The following MID2 variants were observed in gnomAD, a reference collection of about 807,000 sequenced individuals.
MID2 encodes midline 2, also known as probable E3 ubiquitin-protein ligase MID2.
Under a neutral mutation model 46.1 loss-of-function variants are expected in MID2, and 13 were observed. That is an observed-to-expected ratio of 0.28 (90% CI 0.18 to 0.45). MID2 has a LOEUF of 0.45. Among genes scored for constraint, MID2 ranks in the 20% least tolerant of loss-of-function variants. The pLI, the probability that MID2 is intolerant of heterozygous loss-of-function variation, is 1.00. For missense variants in MID2, 431 were observed against 575.4 expected, an observed-to-expected ratio of 0.75 and a Z score of 2.57; for synonymous variants, 199 against 212.3, an observed-to-expected ratio of 0.94 and a Z score of 0.55.
intron 3 of MID2, among the ~76,000 whole-genome samples, chrX:107,871,016 T>C (rs1320623095): frequency 9.0e-6 from 1 of 111,186 alleles, no homozygotes; most frequent in Admixed American, 9.6e-5. Context: ...TTTCATTTTT[T>C]TGTCCTTTTC....
At chrX:107,886,366 T>A (rs1932453486) in intron 3 of MID2, among the ~76,000 whole-genome samples, 2 of 112,058 alleles carry the variant, frequency 1.8e-5, no homozygotes, top group Non-Finnish European at 3.8e-5. Flanking sequence ...CCAGCACCAT[T>A]TATTAAATAG....
chrX:107,926,082 C>A lies in MID2; in HGVS notation c.1598-12C>A. 2.7e-6 allele frequency: 3 copies of A among 1,103,520 alleles called. No homozygotes were observed. Among genetic ancestry groups the A allele is most frequent in the Non-Finnish European group, 3.7e-6 (3 of 820,675 alleles). 90.9% of individuals were successfully genotyped at this position (1,103,520 alleles called of 1,213,427 possible). Reference sequence around the variant, plus strand: ...GTGCTTTTTCTTTTTTTTTTTTCTACTTATTTTTCAGGCCAACCCTTTAAA... The same window carrying A: ...GTGCTTTTTCTTTTTTTTTTTTCTAATTATTTTTCAGGCCAACCCTTTAAA... On this transcript the variant is annotated splice_polypyrimidine_tract_variant and intron_variant, in intron 8 of 9. Coordinates refer to ENST00000262843, the MANE Select transcript of MID2 (RefSeq NM_012216.4).
Position 107,841,337 on chromosome X carries a change from C to T in MID2, c.672C>T (p.His224=). 2 of 1,208,477 alleles carry T rather than the reference C, an allele frequency of 1.7e-6. No individual in the cohort carries two copies. The highest frequency in any genetic ancestry group is 2.2e-6 in the Non-Finnish European group (2 of 893,584). ...ICALCKLVGR[H]RDHQVASLND... ...CCTTATGCAAACTGGTGGGTCGTCA[C>T]CGAGACCATCAGGTCGCATCCCTGA... Residue 224 remains histidine (H), a synonymous_variant, in exon 2 of 10, where the codon CAC becomes CAT. Transcript: ENST00000262843.
chrX:107,922,843 G>A (rs912193854), intron 7 of MID2, among the ~76,000 whole-genome samples: 4 of 111,337 alleles, frequency 3.6e-5, no homozygotes, highest in African/African-American at 1.3e-4. Flanking sequence ...GTACTTCATT[G>A]TGAAGTTTGT....
rs916737061 is a variant in MID2 at position 107,930,841 on chromosome X, G to T, written c.*3768G>T. Among the ~76,000 whole-genome samples the T allele has an allele frequency of 1.8e-5, 2 of 112,367 alleles. No individual in the cohort carries two copies. The highest frequency in any genetic ancestry group is 6.5e-5 in the African/African-American group (2 of 30,982). ...CTGTTCTCCACAACTGTTTCTACCA[G>T]AAGATTATTTTATGTCTGCAATTTA... On this transcript the variant is annotated 3_prime_UTR_variant, in exon 10 of 10. Transcript: ENST00000262843.
chrX:107,839,539 T>G (rs924674472), intron 1 of MID2, among the ~76,000 whole-genome samples: 2 of 110,547 alleles, frequency 1.8e-5, no homozygotes, highest in African/African-American at 6.6e-5. Flanking sequence ...GCCCAGCTAA[T>G]TTTTGCATTT....
intron 9 of MID2, 60 bp from the exon 10 acceptor site, chrX:107,926,611 C>A: frequency 9.4e-7 from 1 of 1,067,817 alleles, no homozygotes; most frequent in East Asian, 3.0e-5. Flanking sequence ...TATATGGTGT[C>A]TTACACAACT....
At chrX:107,893,745 A>C (rs953022520) in intron 3 of MID2, among the ~76,000 whole-genome samples, 1 of 112,076 alleles carries the variant, frequency 8.9e-6, no homozygotes, top group African/African-American at 3.2e-5. Context: ...CGTACACTGA[A>C]CCTCATTTTA....
At chrX:107,875,836 C>A (rs1283172511) in intron 3 of MID2, among the ~76,000 whole-genome samples, 1 of 111,881 alleles carries the variant, frequency 8.9e-6, no homozygotes, top group Non-Finnish European at 1.9e-5. Context: ...AGCTGAGAGA[C>A]CAACCCCAGT....
At chrX:107,864,515 A>G (rs1357219547) in intron 3 of MID2, among the ~76,000 whole-genome samples, 2 of 111,478 alleles carry the variant, frequency 1.8e-5, no homozygotes, top group African/African-American at 6.5e-5. Context: ...GCTGGGACCC[A>G]TATTTTCTTG....
intron 3 of MID2, among the ~76,000 whole-genome samples, chrX:107,886,024 C>T (rs1206375829): frequency 9.0e-6 from 1 of 111,449 alleles, no homozygotes; most frequent in African/African-American, 3.3e-5. Flanking sequence ...GGATATTAGC[C>T]CTTTGTTAGA....
At chrX:107,887,779 TTAA>T (rs1334833508) in intron 3 of MID2, among the ~76,000 whole-genome samples, 1 of 112,213 alleles carries the variant, frequency 8.9e-6, no homozygotes, top group African/African-American at 3.2e-5. Flanking sequence ...TTGTAAGCTA[TTAA>T]TTATTGCCTC....
At chrX:107,868,003 A>G (rs28444788) in intron 3 of MID2, among the ~76,000 whole-genome samples, 13,851 of 111,424 alleles carry the variant, frequency 0.12, 2,143 homozygotes, top group African/African-American at 0.43. Context: ...AGGCAAATGG[A>G]GATCTTTTTG....
Position 107,826,282 on chromosome X carries a change from G to GGGCGGCGGCCTACAGTGGTAGC in MID2, c.-135_-114dup. 1 of 590,280 alleles carries GGGCGGCGGCCTACAGTGGTAGC rather than the reference G, an allele frequency of 1.7e-6. No individual in the cohort carries two copies. Among genetic ancestry groups the GGGCGGCGGCCTACAGTGGTAGC allele is most frequent in the East Asian group, 5.1e-5 (1 of 19,719 alleles). The allele number at this position is 590,280 out of a possible 1,213,427, so 48.6% of individuals were successfully genotyped here. On this transcript the variant is annotated 5_prime_UTR_variant, in exon 1 of 10. Coordinates refer to ENST00000262843, the MANE Select transcript of MID2 (RefSeq NM_012216.4). ...CGGTAGCGGCAGCGGCGGCGAAGGC[G>GGGCGGCGGCCTACAGTGGTAGC]GGCGGCGGCCTACAGTGGTAGCGGC...
intron 7 of MID2, among the ~76,000 whole-genome samples, chrX:107,922,273 G>T (rs1430525280): frequency 2.7e-5 from 3 of 111,154 alleles, no homozygotes; most frequent in Non-Finnish European, 5.7e-5. Flanking sequence ...ATCTAAAATA[G>T]TTTCTGAATT....
chrX:107,882,937 A>G (rs1257001717), intron 3 of MID2, among the ~76,000 whole-genome samples: 2 of 112,122 alleles, frequency 1.8e-5, no homozygotes, highest in African/African-American at 3.2e-5. Flanking sequence ...AATAATAAAG[A>G]CTTAGAACCA....
At chrX:107,830,175 A>G (rs1931059727) in intron 1 of MID2, among the ~76,000 whole-genome samples, 1 of 112,469 alleles carries the variant, frequency 8.9e-6, no homozygotes, top group African/African-American at 3.2e-5. Flanking sequence ...TTGTCTTCTC[A>G]TTCTATCCCA....
At chrX:107,867,925 C>T (rs1931992047) in intron 3 of MID2, among the ~76,000 whole-genome samples, 1 of 111,130 alleles carries the variant, frequency 9.0e-6, no homozygotes, top group South Asian at 3.8e-4. Context: ...ATGAAATGTC[C>T]AGTAAGCAGT....
At chrX:107,886,497 C>A (rs1467616475) in intron 3 of MID2, among the ~76,000 whole-genome samples, 1 of 111,996 alleles carries the variant, frequency 8.9e-6, no homozygotes, top group Non-Finnish European at 1.9e-5. Flanking sequence ...TGTTTTGGTA[C>A]CAGTACCATG....
Sources: allele counts gnomAD v4.1 joint callset (sites outside exome capture counted in the v4.1 genomes callset), GRCh38; gene constraint gnomAD v4.1.1; transcripts MANE v1.5; gene names NCBI Gene and HGNC (gene_info 2026-07-23, HGNC 2026-07-21).